Variants in MCM9 observed in about 807,000 individuals in gnomAD.
The protein encoded by MCM9 is DNA helicase MCM9.
Under a neutral mutation model 72.8 loss-of-function variants are expected in MCM9, and 55 were observed. That is an observed-to-expected ratio of 0.76 (90% CI 0.61 to 0.95). The LOEUF (loss-of-function observed/expected upper bound fraction) is 0.95. MCM9 is among the 40% of genes least tolerant of loss of function. MCM9 has a pLI of 0.00. For synonymous variants in MCM9, 480 were observed against 503.4 expected, an observed-to-expected ratio of 0.95 and a Z score of 0.62; for missense variants, 1,279 against 1,377.0, an observed-to-expected ratio of 0.93 and a Z score of 1.13.
chr6:118,872,851 T>G (rs964308692), intron 8 of MCM9, among the ~76,000 whole-genome samples: 8 of 151,940 alleles, frequency 5.3e-5, no homozygotes, highest in Non-Finnish European at 1.0e-4. Context: ...AAAAAAAATT[T>G]AATCAGAAGA....
chr6:118,878,777 C>G (rs1778097468), intron 8 of MCM9, among the ~76,000 whole-genome samples: 1 of 152,010 alleles, frequency 6.6e-6, no homozygotes, highest in Non-Finnish European at 1.5e-5. Flanking sequence ...GCCAAAGAGG[C>G]TGGGCACAGT....
chr6:118,895,138 T>C (rs1386843112), intron 8 of MCM9, among the ~76,000 whole-genome samples: 4 of 152,020 alleles, frequency 2.6e-5, no homozygotes, highest in Non-Finnish European at 5.9e-5. Context: ...GTCCTCGCGC[T>C]GATTTCTGGC....
intron 5 of MCM9, chr6:118,921,749 T>G: frequency 3.3e-6 from 1 of 306,258 alleles, no homozygotes; most frequent in Non-Finnish European, 6.0e-6. Flanking sequence ...GTTATGCCAC[T>G]TAACTCTCTA....
rs560787158 is a variant in MCM9, at chr6:118,934,873, G to T, written c.-150+18C>A. 8 of 152,446 alleles carry T rather than the reference G, an allele frequency of 5.2e-5. No homozygotes were observed. Among genetic ancestry groups the T allele is most frequent in the African/African-American group, 1.9e-4 (8 of 41,592 alleles). The allele number at this position is 152,446 out of a possible 1,614,324, so 9.4% of individuals were successfully genotyped here. On this transcript the variant is annotated intron_variant, in intron 1 of 13. Coordinates refer to ENST00000619706, the MANE Select transcript of MCM9 (RefSeq NM_017696.3). The stretch of plus-strand genomic sequence containing the variant: ...GAGAAAAACATAACCGCGAAAGGAG[G>T]AGGCGGCTATCACTTACTGGCTGTG...
At chr6:118,841,310 G>A (rs1365076158) in intron 9 of MCM9, among the ~76,000 whole-genome samples, 1 of 152,126 alleles carries the variant, frequency 6.6e-6, no homozygotes, top group East Asian at 1.9e-4. Flanking sequence ...AGCCCCCTAG[G>A]GGTCAGGGAC....
intron 3 of MCM9, among the ~76,000 whole-genome samples, chr6:118,925,912 A>T (rs186183855): frequency 2.6e-5 from 4 of 152,336 alleles, no homozygotes; most frequent in South Asian, 2.1e-4. Flanking sequence ...CTTTAAAAAA[A>T]ATATGAATAC....
At chr6:118,912,286 G>A (rs1654539838) in intron 7 of MCM9, 2 of 152,118 alleles carry the variant, frequency 1.3e-5, no homozygotes, top group Admixed American at 1.3e-4. Flanking sequence ...AGAAGTATTA[G>A]GGATTTTACA....
chr6:118,908,505 A>G (rs900437153), intron 8 of MCM9: 1 of 152,098 alleles, frequency 6.6e-6, no homozygotes, highest in Non-Finnish European at 1.5e-5. Context: ...TGGATTTAGA[A>G]AGGTATATTT....
In MCM9 at chr6:118,867,359, T is replaced by C. The variant is rs552270754; in HGVS notation, c.1151-10814A>G. 3.9e-5 allele frequency among the ~76,000 whole-genome samples: 6 copies of C among 152,294 alleles called. No homozygotes were observed. The South Asian group carries it at 1.0e-3, about 26-fold the overall frequency. On this transcript the variant is annotated intron_variant, in intron 8 of 13. Coordinates refer to ENST00000619706, the MANE Select transcript of MCM9 (RefSeq NM_017696.3). ...ATAACGCTGTAACACAAAGCATTAC[T>C]TGTGTTTGTGGTGATGCTGGTGTAA... is the stretch of plus-strand genomic sequence containing the variant.
chr6:118,838,798 ACT>A (rs1775153422), intron 9 of MCM9, among the ~76,000 whole-genome samples: 1 of 152,180 alleles, frequency 6.6e-6, no homozygotes, highest in Non-Finnish European at 1.5e-5. Context: ...AGAGAGATCC[ACT>A]GTTAGTCTGA....
At chr6:118,862,867 T>A (rs1776990339) in intron 8 of MCM9, among the ~76,000 whole-genome samples, 1 of 151,634 alleles carries the variant, frequency 6.6e-6, no homozygotes, top group African/African-American at 2.4e-5. Flanking sequence ...AAGAGAAAAA[T>A]CCCAACACAG....
At chr6:118,920,137 T>A (rs1426938229) in intron 5 of MCM9, 1 of 152,240 alleles carries the variant, frequency 6.6e-6, no homozygotes, top group African/African-American at 2.4e-5. Flanking sequence ...ATTTTCATGT[T>A]CAGGCTGAGC....
rs1013991961 is a variant in MCM9 at position 118,914,445 on chromosome 6, A to T, written c.905-1025T>A. On this transcript the variant is annotated intron_variant, in intron 6 of 13. Coordinates refer to ENST00000619706, the MANE Select transcript of MCM9 (RefSeq NM_017696.3). The stretch of plus-strand genomic sequence containing the variant: ...AGGCTACTTTTTGTAATGAATCAAC[A>T]TTGATTCAGTGGCAACTAATCTATG... Among the ~76,000 whole-genome samples, 5 of 152,176 alleles carry T rather than the reference A, an allele frequency of 3.3e-5. No individual in the cohort carries two copies. In the East Asian group the frequency reaches 9.6e-4, roughly 29 times the overall value.
intron 8 of MCM9, among the ~76,000 whole-genome samples, chr6:118,878,193 T>C (rs1778061711): frequency 6.6e-6 from 1 of 151,858 alleles, no homozygotes; most frequent in Non-Finnish European, 1.5e-5. Flanking sequence ...GATAAAGTAT[T>C]GTACAGCTAA....
chr6:118,880,250 A>G (rs539639251), intron 8 of MCM9, among the ~76,000 whole-genome samples: 21 of 152,318 alleles, frequency 1.4e-4, no homozygotes, highest in African/African-American at 4.8e-4. Flanking sequence ...ATAAATTTGT[A>G]GCAGCTTCAA....
At chr6:118,850,550 C>T (rs1231976383) in intron 9 of MCM9, among the ~76,000 whole-genome samples, 2 of 151,750 alleles carry the variant, frequency 1.3e-5, no homozygotes, top group Non-Finnish European at 2.9e-5. Context: ...TAGGTCTCTC[C>T]GACCCCAAAG....
rs1781065959 is a variant in MCM9 at position 118,917,581 on chromosome 6, T to G, written c.884A>C (p.Tyr295Ser). 1 of 1,614,056 alleles carries G rather than the reference T, an allele frequency of 6.2e-7. No individual in the cohort carries two copies. Among genetic ancestry groups the G allele is most frequent in the South Asian group, 1.1e-5 (1 of 91,090 alleles). ...CAAACCTGCAAAGGGATCGCTCTTATAGTATTCCCAAAAATCTTCGAATTC... is the reference window on the plus strand; with the variant it reads ...CAAACCTGCAAAGGGATCGCTCTTAGAGTATTCCCAAAAATCTTCGAATTC... ...QKEFEDFWEYYKSDPFAGRNV... is the reference protein window; with the variant it reads ...QKEFEDFWEYSKSDPFAGRNV... Residue 295 changes from tyrosine to serine, a missense_variant, in exon 6 of 14, where the codon TAT becomes TCT. Transcript: ENST00000619706.
chr6:118,863,925 A>T (rs2114258659), intron 8 of MCM9, among the ~76,000 whole-genome samples: 1 of 152,280 alleles, frequency 6.6e-6, no homozygotes, highest in Middle Eastern at 3.4e-3. Context: ...CTAACTAAAT[A>T]TTAATCCACC....
rs548180602 is a variant in MCM9, at chr6:118,834,153, G to A, written c.1326-4903C>T. Among the ~76,000 whole-genome samples, 15 of 152,222 alleles carry A rather than the reference G, an allele frequency of 9.9e-5. 1 individual carries two copies. The South Asian group carries it at 2.5e-3, about 25-fold the overall frequency. On this transcript the variant is annotated intron_variant, in intron 9 of 13. Transcript: ENST00000619706. The stretch of plus-strand genomic sequence containing the variant: ...CCTGTGTTAGTTTGCTGAGAATGAC[G>A]GTTTCCAGCTTCACTCATGTCCCTG...
Sources: allele counts gnomAD v4.1 joint callset (sites outside exome capture counted in the v4.1 genomes callset), GRCh38; gene constraint gnomAD v4.1.1; transcripts MANE v1.5; gene names NCBI Gene and HGNC (gene_info 2026-07-23, HGNC 2026-07-21).